MRE11: variants seen among roughly 807,000 people sequenced by gnomAD.
MRE11 encodes the protein MRE11 double strand break repair nuclease.
A neutral mutation model predicts 91.7 loss-of-function variants in MRE11; 62 were observed. The observed-to-expected ratio is 0.68, with a 90% CI of 0.55 to 0.84. The LOEUF (loss-of-function observed/expected upper bound fraction) is 0.84. Among genes scored for constraint, MRE11 ranks in the 40% least tolerant of loss-of-function variants. MRE11 has a pLI of 0.00. For missense variants in MRE11, 796 were observed against 852.9 expected (o/e 0.93, Z 0.83); for synonymous variants, 273 against 271.4 (o/e 1.01, Z -0.06).
intron 6 of MRE11, among the ~76,000 whole-genome samples, chr11:94,478,454 AG>A: frequency 6.6e-6 from 1 of 152,334 alleles, no homozygotes; most frequent in Non-Finnish European, 1.5e-5. Context: ...GACCTTTCAA[AG>A]ACTTCCAAGA....
intron 19 of MRE11, among the ~76,000 whole-genome samples, chr11:94,423,831 G>A (rs915671562): frequency 6.6e-6 from 1 of 152,302 alleles, no homozygotes; most frequent in African/African-American, 2.4e-5. Context: ...TGGGGCTGTC[G>A]AGCTAAGAGC....
chr11:94,510,181 T>G, the MRE11 span, among the ~76,000 whole-genome samples: 2 of 152,212 alleles, frequency 1.3e-5, no homozygotes, highest in South Asian at 4.1e-4. Context: ...TATATTTTTA[T>G]AACTACTTCT....
the MRE11 span, among the ~76,000 whole-genome samples, chr11:94,508,150 T>C: frequency 1.3e-5 from 2 of 152,128 alleles, no homozygotes; most frequent in Non-Finnish European, 2.9e-5. Context: ...CTTGCTATAT[T>C]GCCCCAGGCT....
chr11:94,497,569 GT>G (rs1314335699), upstream of MRE11: 1 of 155,934 alleles, frequency 6.4e-6, no homozygotes, highest in African/African-American at 2.4e-5. Flanking sequence ...CTAAAAGGTT[GT>G]TTCTAAGGTT....
intron 10 of MRE11, among the ~76,000 whole-genome samples, chr11:94,467,289 C>T (rs35753481): frequency 0.046 from 7,039 of 152,104 alleles, 407 homozygotes; most frequent in African/African-American, 0.13. Flanking sequence ...GCACAGGAAA[C>T]AATCCTAATA....
upstream of MRE11, chr11:94,497,290 A>G (rs796319536): frequency 2.6e-5 from 12 of 462,664 alleles, no homozygotes; most frequent in African/African-American, 2.4e-4. Context: ...TTATTTAATC[A>G]TCATGTATCC....
intron 19 of MRE11, among the ~76,000 whole-genome samples, chr11:94,428,073 C>A (rs1257877094): frequency 6.6e-6 from 1 of 151,994 alleles, no homozygotes; most frequent in African/African-American, 2.4e-5. Flanking sequence ...AAGAAGAACC[C>A]AAATAGACAA....
chr11:94,439,918 A>C (rs1945728962), intron 16 of MRE11, among the ~76,000 whole-genome samples: 1 of 152,216 alleles, frequency 6.6e-6, no homozygotes, highest in Non-Finnish European at 1.5e-5. Context: ...AGTAATTTTT[A>C]CTCAGTCATT....
intron 3 of MRE11, among the ~76,000 whole-genome samples, chr11:94,488,523 T>G (rs545279161): frequency 6.6e-6 from 1 of 152,250 alleles, no homozygotes; most frequent in East Asian, 1.9e-4. Context: ...TGCAGTACTA[T>G]TCACAATAGC....
At chr11:94,497,747 A>G (rs1443498448), upstream of MRE11, 2 of 231,012 alleles carry the variant, frequency 8.7e-6, no homozygotes, top group East Asian at 1.0e-4. Context: ...CACATAAAAT[A>G]TTAAACAGAA....
At position 94,476,417 on chromosome 11, in the gene MRE11, T is replaced by C; in HGVS notation, c.545-14A>G. On this transcript the variant is annotated splice_polypyrimidine_tract_variant and intron_variant, in intron 6 of 19. Coordinates refer to ENST00000323929, the MANE Select transcript of MRE11 (RefSeq NM_005591.4). ...CTGGAATGGATCCTGAAATGGACAT[T>C]ACATTATTTTTAAATTGTTTTCTTA... The C allele has an allele frequency of 6.6e-7, 1 of 1,510,614 alleles. No individual in the cohort carries two copies. Among genetic ancestry groups the C allele is most frequent in the Non-Finnish European group, 9.2e-7 (1 of 1,087,844 alleles). 93.6% of individuals were successfully genotyped at this position (1,510,614 alleles called of 1,614,324 possible). A position where few individuals can be genotyped will look rare whatever the true frequency, so the allele number is the denominator to read the frequency against.
chr11:94,466,565 T>C, intron 10 of MRE11: 1 of 505,232 alleles, frequency 2.0e-6, no homozygotes. Context: ...GCAAATACTT[T>C]TGCACCAACC....
At chr11:94,439,630 T>C (rs1295326388) in intron 16 of MRE11, among the ~76,000 whole-genome samples, 1 of 152,216 alleles carries the variant, frequency 6.6e-6, no homozygotes, top group African/African-American at 2.4e-5. Context: ...GATCTGATGC[T>C]TGTAGAATAA....
chr11:94,468,982 A>T (rs1946640130), intron 9 of MRE11, among the ~76,000 whole-genome samples: 1 of 152,210 alleles, frequency 6.6e-6, no homozygotes, highest in Non-Finnish European at 1.5e-5. Context: ...ACAGAAAAGT[A>T]AGATATGGGT....
chr11:94,488,643 T>C (rs1465205567), intron 3 of MRE11, among the ~76,000 whole-genome samples: 1 of 152,176 alleles, frequency 6.6e-6, no homozygotes, highest in Non-Finnish European at 1.5e-5. Context: ...CCAGATAATG[T>C]CCTTTGCAGG....
intron 19 of MRE11, among the ~76,000 whole-genome samples, chr11:94,425,582 C>A (rs1048125843): frequency 6.6e-6 from 1 of 152,152 alleles, no homozygotes; most frequent in Non-Finnish European, 1.5e-5. Context: ...CAAGACCTGA[C>A]TGCTGTCATC....
chr11:94,498,818 T>G (rs1411869446), upstream of MRE11: 11 of 366,020 alleles, frequency 3.0e-5, no homozygotes, highest in Admixed American at 3.1e-4. Flanking sequence ...CTGGTATTTT[T>G]GGTGCTGATA....
chr11:94,456,305 T>G lies in MRE11; in HGVS notation c.1534A>C (p.Thr512Pro). 1 of 1,613,714 alleles carries G rather than the reference T, an allele frequency of 6.2e-7. No individual in the cohort carries two copies. Among genetic ancestry groups the G allele is most frequent in the Non-Finnish European group, 8.5e-7 (1 of 1,179,880 alleles). The change falls in exon 14 of 20, where the codon ACT becomes CCT. Residue 512 changes from threonine (T) to proline (P), a missense_variant. Transcript: ENST00000323929. Reference sequence around the variant, plus strand: ...CGGACTTCATCATCTTCTTCATTAGTATTTTTTTGTCTGGTTTCTCTGAAA... The same window carrying G: ...CGGACTTCATCATCTTCTTCATTAGGATTTTTTTGTCTGGTTTCTCTGAAA... The part of the protein sequence containing the change: ...RRFRETRQKN[T>P]NEEDDEVREA...
At chr11:94,464,897 A>C (rs1946520043) in intron 10 of MRE11, among the ~76,000 whole-genome samples, 1 of 152,168 alleles carries the variant, frequency 6.6e-6, no homozygotes, top group Non-Finnish European at 1.5e-5. Context: ...CGCTATGGGG[A>C]CCAGCACTGC....
Sources: gnomAD v4.1 joint callset for allele counts (sites outside exome capture counted in the v4.1 genomes callset) on GRCh38, gnomAD v4.1.1 for gene constraint, MANE v1.5 for transcripts, NCBI Gene and HGNC (gene_info 2026-07-23, HGNC 2026-07-21) for gene names.